SYN3: variants seen among roughly 807,000 people sequenced by gnomAD.
SYN3 encodes synapsin III.
A neutral mutation model predicts 65.8 loss-of-function variants in SYN3; 35 were observed. The observed-to-expected ratio is 0.53, with a 90% CI of 0.41 to 0.70. The LOEUF (loss-of-function observed/expected upper bound fraction) is 0.70, where lower values mean the gene tolerates loss of function less well. Ranked by LOEUF, SYN3 falls within the 30% of genes least tolerant of loss-of-function variation. SYN3 has a pLI of 0.00. For synonymous variants in SYN3, 270 were observed against 292.9 expected, an observed-to-expected ratio of 0.92 and a Z score of 0.80; for missense variants, 680 against 749.0, an observed-to-expected ratio of 0.91 and a Z score of 1.08.
chr22:32,760,516 C>G (rs1010861937), intron 6 of SYN3, among the ~76,000 whole-genome samples: 1 of 152,026 alleles, frequency 6.6e-6, no homozygotes, highest in African/African-American at 2.4e-5. Flanking sequence ...GGTGGACATT[C>G]CTTTTGGAGT....
intron 6 of SYN3, among the ~76,000 whole-genome samples, chr22:32,787,232 G>C (rs1351241311): frequency 6.6e-6 from 1 of 151,920 alleles, no homozygotes; most frequent in Non-Finnish European, 1.5e-5. Context: ...ATTTTTAGTA[G>C]AGATAGGATT....
intron 1 of SYN3, among the ~76,000 whole-genome samples, chr22:33,027,655 GA>G (rs2053661819): frequency 6.6e-6 from 1 of 150,956 alleles, no homozygotes; most frequent in South Asian, 2.1e-4. Flanking sequence ...GAGAGAGAAA[GA>G]AAAGAAAGAA....
intron 5 of SYN3, 43 bp from the exon 6 acceptor site, chr22:32,865,047 C>G: frequency 6.5e-7 from 1 of 1,533,608 alleles, no homozygotes; most frequent in Non-Finnish European, 9.0e-7. Context: ...TATTGTCACC[C>G]AGTATAACAA....
At chr22:32,923,967 T>G (rs867947110) in intron 4 of SYN3, among the ~76,000 whole-genome samples, 1 of 168 alleles carries the variant, frequency 6.0e-3, no homozygotes, top group African/African-American at 0.028. Context: ...CTGTGTTAGT[T>G]TGCTAAGGTA....
At chr22:32,736,501 G>C (rs576865583) in intron 6 of SYN3, among the ~76,000 whole-genome samples, 47 of 152,232 alleles carry the variant, frequency 3.1e-4, no homozygotes, top group African/African-American at 1.1e-3. Flanking sequence ...ATTCATGTCA[G>C]ACAAACACAG....
intron 1 of SYN3, chr22:33,015,193 C>T: frequency 4.1e-6 from 1 of 246,758 alleles, no homozygotes; most frequent in East Asian, 1.6e-4. Flanking sequence ...AGCACTCCAG[C>T]CTGGGCGACA....
chr22:32,850,098 C>T (rs2048177369), intron 6 of SYN3, among the ~76,000 whole-genome samples: 1 of 149,850 alleles, frequency 6.7e-6, no homozygotes, highest in South Asian at 2.2e-4. Context: ...TGTCTTCTTG[C>T]ATCCTAGATA....
At chr22:33,015,840 C>CTT (rs758927603) in intron 1 of SYN3, among the ~76,000 whole-genome samples, 19,872 of 139,410 alleles carry the variant, frequency 0.14, 1,505 homozygotes, top group Non-Finnish European at 0.18. Context: ...GGCAAATTTT[C>CTT]TTTTCTTTTT....
chr22:32,527,302 A>C (rs923221042), intron 12 of SYN3, among the ~76,000 whole-genome samples: 1 of 152,198 alleles, frequency 6.6e-6, no homozygotes, highest in African/African-American at 2.4e-5. Flanking sequence ...TCCTTGGGCA[A>C]AGCCTCAACT....
intron 6 of SYN3, among the ~76,000 whole-genome samples, chr22:32,831,025 G>A (rs1485972835): frequency 6.6e-6 from 1 of 152,206 alleles, no homozygotes; most frequent in African/African-American, 2.4e-5. Context: ...TATTGACAGA[G>A]TGAAAAGTAT....
intron 6 of SYN3, among the ~76,000 whole-genome samples, chr22:32,849,828 G>A (rs994464987): frequency 3.9e-5 from 6 of 152,138 alleles, no homozygotes; most frequent in African/African-American, 1.4e-4. Context: ...TCGTAACCAT[G>A]AGACCTTGGT....
intron 4 of SYN3, among the ~76,000 whole-genome samples, chr22:32,891,977 CTAATAATAA>C (rs57171093): frequency 2.7e-4 from 40 of 148,250 alleles, no homozygotes; most frequent in Admixed American, 1.0e-3. Context: ...TCCTTTTTAG[CTAATAATAA>C]TAATAATAAT....
chr22:32,513,915 T>TA, intron 13 of SYN3, 91 bp from the exon 14 acceptor site: 1 of 1,525,402 alleles, frequency 6.6e-7, no homozygotes, highest in Admixed American at 1.8e-5. Flanking sequence ...CCAGATGGGC[T>TA]ACCCCAATCA....
At chr22:32,620,867 G>A (rs62232753) in intron 6 of SYN3, among the ~76,000 whole-genome samples, 23,904 of 150,348 alleles carry the variant, frequency 0.16, 2,411 homozygotes, top group Non-Finnish European at 0.22. Context: ...CTACAGGCAC[G>A]CGCCACCAAG....
chr22:32,773,023 G>A (rs1333803958), intron 6 of SYN3, among the ~76,000 whole-genome samples: 1 of 152,198 alleles, frequency 6.6e-6, no homozygotes, highest in Non-Finnish European at 1.5e-5. Flanking sequence ...ACTCAACTCT[G>A]ATGTTGCCAT....
chr22:32,523,212 C>T (rs1258926753), intron 12 of SYN3, among the ~76,000 whole-genome samples: 1 of 152,088 alleles, frequency 6.6e-6, no homozygotes, highest in African/African-American at 2.4e-5. Flanking sequence ...TGAACCACAC[C>T]CATATAAGAC....
chr22:32,513,878 A>C, intron 13 of SYN3, 54 bp from the exon 14 acceptor site: 3 of 1,608,652 alleles, frequency 1.9e-6, no homozygotes, highest in Non-Finnish European at 2.5e-6. Flanking sequence ...CTATCAAAGA[A>C]ATGGGTCTTG....
chr22:32,735,074 CTGCCTCCACTGCCACCAAT>C (rs1173069633), intron 6 of SYN3, among the ~76,000 whole-genome samples: 1 of 152,224 alleles, frequency 6.6e-6, no homozygotes, highest in Non-Finnish European at 1.5e-5. Flanking sequence ...TACACTCCAT[CTGCCTCCACTGCCACCAAT>C]GGGTTCTTCT....
At chr22:32,884,602 G>A (rs111334668) in intron 4 of SYN3, among the ~76,000 whole-genome samples, 27 of 152,210 alleles carry the variant, frequency 1.8e-4, no homozygotes, top group Non-Finnish European at 2.6e-4. Context: ...TTTCGTGGCC[G>A]GGTGCGGTGG....
Sources: gnomAD v4.1 joint callset for allele counts (sites outside exome capture counted in the v4.1 genomes callset) on GRCh38, gnomAD v4.1.1 for gene constraint, MANE v1.5 for transcripts, NCBI Gene and HGNC (gene_info 2026-07-23, HGNC 2026-07-21) for gene names.